SGCZ: variants seen among roughly 807,000 people sequenced by gnomAD.
SGCZ encodes sarcoglycan zeta, also known as zeta-sarcoglycan.
SGCZ carries 40 observed loss-of-function variants against 41.3 expected under a neutral mutation model. The ratio of observed to expected loss-of-function variants is 0.97; its 90% CI spans 0.75 to 1.26. The LOEUF (loss-of-function observed/expected upper bound fraction) is 1.26, where lower values mean the gene tolerates loss of function less well. SGCZ is among the 50% of genes most tolerant of loss of function. The pLI is 0.00. For missense variants in SGCZ, 552 were observed against 369.8 expected (o/e 1.49, Z -4.04); for synonymous variants, 206 against 137.5 (o/e 1.50, Z -3.49).
intron 1 of SGCZ, among the ~76,000 whole-genome samples, chr8:14,684,678 C>T (rs1320947418): frequency 2.1e-5 from 3 of 143,428 alleles, no homozygotes; most frequent in Admixed American, 1.4e-4. Flanking sequence ...ATAGTTTCGA[C>T]ACCTTTGTTT....
intron 2 of SGCZ, among the ~76,000 whole-genome samples, chr8:14,474,022 A>C (rs747194942): frequency 2.0e-5 from 3 of 152,144 alleles, no homozygotes; most frequent in Non-Finnish European, 4.4e-5. Flanking sequence ...AATTTTGCAT[A>C]AGTCATTCTG....
intron 1 of SGCZ, among the ~76,000 whole-genome samples, chr8:15,218,970 A>T (rs970186898): frequency 3.3e-5 from 5 of 152,210 alleles, no homozygotes; most frequent in Non-Finnish European, 5.9e-5. Flanking sequence ...AAAGAGAATG[A>T]GCGATCACTG....
intron 1 of SGCZ, among the ~76,000 whole-genome samples, chr8:15,039,607 G>C (rs1804005525): frequency 1.3e-5 from 2 of 152,146 alleles, no homozygotes; most frequent in South Asian, 4.1e-4. Context: ...TTGTAACTTT[G>C]TTGAGAATAT....
In SGCZ at chr8:14,933,158, T is replaced by C. The variant is rs1799968362; in HGVS notation, c.39+304427A>G. Among the ~76,000 whole-genome samples, 4 of 151,920 alleles carry C rather than the reference T, an allele frequency of 2.6e-5. No homozygotes were observed. In the South Asian group the frequency reaches 8.3e-4, roughly 32 times the overall value. On this transcript the variant is annotated intron_variant, in intron 1 of 7. Coordinates refer to ENST00000382080, the MANE Select transcript of SGCZ (RefSeq NM_139167.4). ...TTGGCTCACTACGTCGGTAACAGCA[T>C]CAATTGTACAGCAAACGTCAGAAAC...
At chr8:15,048,620 C>A (rs1022767852) in intron 1 of SGCZ, among the ~76,000 whole-genome samples, 1 of 152,022 alleles carries the variant, frequency 6.6e-6, no homozygotes, top group Non-Finnish European at 1.5e-5. Flanking sequence ...TATTATGCAT[C>A]AATTTTAAAA....
intron 1 of SGCZ, among the ~76,000 whole-genome samples, chr8:14,620,508 C>A (rs1469730319): frequency 6.6e-6 from 1 of 152,076 alleles, no homozygotes; most frequent in African/African-American, 2.4e-5. Flanking sequence ...AGGCAACCTA[C>A]AGAATGGGAG....
intron 1 of SGCZ, among the ~76,000 whole-genome samples, chr8:14,814,729 A>G (rs143448946): frequency 3.9e-5 from 6 of 152,240 alleles, no homozygotes; most frequent in Non-Finnish European, 7.4e-5. Context: ...TTCTCTCATC[A>G]CCAAATCTCA....
At chr8:14,230,019 T>A (rs949143499) in intron 4 of SGCZ, among the ~76,000 whole-genome samples, 16 of 152,126 alleles carry the variant, frequency 1.1e-4, no homozygotes, top group Admixed American at 9.2e-4. Flanking sequence ...GATTTAGTTG[T>A]GCTCATTTAC....
At chr8:14,158,685 T>C (rs533573244) in intron 5 of SGCZ, among the ~76,000 whole-genome samples, 1 of 152,164 alleles carries the variant, frequency 6.6e-6, no homozygotes, top group African/African-American at 2.4e-5. Flanking sequence ...GCAGTGCAAA[T>C]ACCAGGCCCT....
chr8:15,111,810 G>A (rs1246842479), intron 1 of SGCZ, among the ~76,000 whole-genome samples: 1 of 151,048 alleles, frequency 6.6e-6, no homozygotes, highest in African/African-American at 2.4e-5. Context: ...TGAGGCAGAA[G>A]AACTGCTTGA....
intron 1 of SGCZ, among the ~76,000 whole-genome samples, chr8:14,793,582 G>A (rs1030655601): frequency 1.3e-5 from 2 of 152,138 alleles, no homozygotes; most frequent in African/African-American, 4.8e-5. Flanking sequence ...AGGGAAAGCT[G>A]AGGAATAACC....
intron 3 of SGCZ, among the ~76,000 whole-genome samples, chr8:14,285,452 G>A (rs534899563): frequency 1.3e-5 from 2 of 152,038 alleles, no homozygotes; most frequent in Admixed American, 1.3e-4. Flanking sequence ...GAAATCTGAA[G>A]CTTCTTAGTA....
chr8:14,518,864 C>CT (rs1802702986), intron 2 of SGCZ, among the ~76,000 whole-genome samples: 1 of 144,636 alleles, frequency 6.9e-6, no homozygotes, highest in Non-Finnish European at 1.5e-5. Flanking sequence ...CGAGACCAGC[C>CT]TGGCCAACAT....
At chr8:15,155,280 C>T (rs894125651) in intron 1 of SGCZ, among the ~76,000 whole-genome samples, 3 of 151,932 alleles carry the variant, frequency 2.0e-5, no homozygotes, top group African/African-American at 7.2e-5. Flanking sequence ...GGGTGACAGA[C>T]CCAGACCCTG....
At chr8:14,401,885 C>G (rs1035554475) in intron 2 of SGCZ, among the ~76,000 whole-genome samples, 3 of 150,482 alleles carry the variant, frequency 2.0e-5, no homozygotes, top group African/African-American at 7.5e-5. Flanking sequence ...AATGGTTGAA[C>G]TAGTTTACAG....
intron 1 of SGCZ, among the ~76,000 whole-genome samples, chr8:14,956,650 A>T (rs1329134380): frequency 6.6e-6 from 1 of 152,194 alleles, no homozygotes; most frequent in Non-Finnish European, 1.5e-5. Flanking sequence ...CTTCTAGAAT[A>T]AAAATATTTT....
chr8:14,289,709 G>A (rs1304999256), intron 3 of SGCZ, among the ~76,000 whole-genome samples: 1 of 151,592 alleles, frequency 6.6e-6, no homozygotes, highest in Non-Finnish European at 1.5e-5. Flanking sequence ...CACACAATGG[G>A]GAAAAGACAA....
At chr8:14,227,937 TTC>T (rs149933689) in intron 4 of SGCZ, among the ~76,000 whole-genome samples, 2 of 151,294 alleles carry the variant, frequency 1.3e-5, no homozygotes. Flanking sequence ...TCCCCCTAGC[TTC>T]TCTCTCTCTC....
At chr8:14,369,903 GTAAT>G (rs1332074750) in intron 2 of SGCZ, among the ~76,000 whole-genome samples, 2 of 151,890 alleles carry the variant, frequency 1.3e-5, no homozygotes, top group Non-Finnish European at 2.9e-5. Context: ...AAATTATTAA[GTAAT>G]TAATTTCTAT....
Sources: allele counts gnomAD v4.1 joint callset (sites outside exome capture counted in the v4.1 genomes callset), GRCh38; gene constraint gnomAD v4.1.1; transcripts MANE v1.5; gene names NCBI Gene and HGNC (gene_info 2026-07-23, HGNC 2026-07-21).